The following TTC7B variants were observed in gnomAD, a reference collection of about 807,000 sequenced individuals.
TTC7B encodes tetratricopeptide repeat domain 7B, also known as tetratricopeptide repeat protein 7B.
TTC7B carries 28 observed loss-of-function variants against 106.8 expected under a neutral mutation model. That is an observed-to-expected ratio of 0.26 (90% CI 0.19 to 0.36). The LOEUF (loss-of-function observed/expected upper bound fraction) is 0.36. Ranked by LOEUF, TTC7B falls within the 10% of genes least tolerant of loss-of-function variation. The pLI, the probability that TTC7B is intolerant of heterozygous loss-of-function variation, is 1.00. For synonymous variants in TTC7B, 405 were observed against 430.6 expected (o/e 0.94, Z 0.74); for missense variants, 862 against 1,076.4 (o/e 0.80, Z 2.79).
chr14:90,642,883 T>C (rs958903401), intron 15 of TTC7B, among the ~76,000 whole-genome samples: 1 of 151,946 alleles, frequency 6.6e-6, no homozygotes, highest in African/African-American at 2.4e-5. Flanking sequence ...AATAGGAGAA[T>C]CACCGAGAGC....
At chr14:90,809,426 A>C (rs2030778119) in intron 1 of TTC7B, among the ~76,000 whole-genome samples, 1 of 152,026 alleles carries the variant, frequency 6.6e-6, no homozygotes, top group Admixed American at 6.5e-5. Context: ...ACCACTGCTG[A>C]CAGCTGAACA....
At chr14:90,783,734 C>T (rs1367168833) in intron 2 of TTC7B, among the ~76,000 whole-genome samples, 1 of 152,002 alleles carries the variant, frequency 6.6e-6, no homozygotes, top group East Asian at 1.9e-4. Flanking sequence ...GTCAGCAGTT[C>T]GAGACCAGCC....
At chr14:90,579,939 C>T (rs116910052) in intron 18 of TTC7B, among the ~76,000 whole-genome samples, 2,595 of 152,364 alleles carry the variant, frequency 0.017, 39 homozygotes, top group Non-Finnish European at 0.027. Flanking sequence ...CTCCCTGCCT[C>T]CTGCCCTGGC....
Position 90,807,254 on chromosome 14 carries a change from C to G in TTC7B, c.121+8921G>C, listed in dbSNP as rs2030664989. ...GGCCCTGCTTACCCACTCACTGCCA[C>G]TGAGTCTGACCTCTCCAGGCTCCCA... On this transcript the variant is annotated intron_variant, in intron 1 of 19. Coordinates refer to ENST00000328459, the MANE Select transcript of TTC7B (RefSeq NM_001010854.2). This position sits in a 1 kb window ranked among gnomAD's most constrained non-coding sequence, Gnocchi z 4.1. Among the ~76,000 whole-genome samples, 1 of 152,162 alleles carries G rather than the reference C, an allele frequency of 6.6e-6. No homozygotes were observed. The highest frequency in any genetic ancestry group is 6.6e-5 in the Admixed American group (1 of 15,266).
chr14:90,632,686 A>G (rs1884753238), intron 15 of TTC7B, among the ~76,000 whole-genome samples: 1 of 152,268 alleles, frequency 6.6e-6, no homozygotes. Context: ...TTACGAGCAC[A>G]GATGGCGAGG....
chr14:90,683,423 C>T (rs1464497798), intron 7 of TTC7B, among the ~76,000 whole-genome samples: 1 of 152,146 alleles, frequency 6.6e-6, no homozygotes, highest in Non-Finnish European at 1.5e-5. Context: ...CCACCCCGAC[C>T]CCAAGTCACA....
At chr14:90,753,552 G>A (rs1174754673) in intron 3 of TTC7B, among the ~76,000 whole-genome samples, 1 of 152,222 alleles carries the variant, frequency 6.6e-6, no homozygotes, top group Non-Finnish European at 1.5e-5. Context: ...AGGAGGACAA[G>A]GCCCTGTGCA....
intron 18 of TTC7B, among the ~76,000 whole-genome samples, chr14:90,591,363 A>T (rs150346292): frequency 1.3e-5 from 2 of 152,246 alleles, no homozygotes; most frequent in East Asian, 3.9e-4. Context: ...AAATGAAAGG[A>T]TAGCTCCAAG....
At chr14:90,596,116 GT>G (rs566496777) in intron 17 of TTC7B, among the ~76,000 whole-genome samples, 1,667 of 152,018 alleles carry the variant, frequency 0.011, 16 homozygotes, top group African/African-American at 0.029. Flanking sequence ...GTAAAAACAT[GT>G]TTTTTTTAAC....
At chr14:90,641,375 A>G (rs1309596887) in intron 15 of TTC7B, among the ~76,000 whole-genome samples, 1 of 152,174 alleles carries the variant, frequency 6.6e-6, no homozygotes, top group Non-Finnish European at 1.5e-5. Context: ...CCCATCAGCT[A>G]TGTCCTCCAC....
chr14:90,562,966 C>T (rs117256360), intron 19 of TTC7B, among the ~76,000 whole-genome samples: 496 of 152,264 alleles, frequency 3.3e-3, no homozygotes, highest in Non-Finnish European at 4.9e-3. Context: ...CAACCCCTGC[C>T]GCACCATACC....
chr14:90,594,714 C>T (rs182949714), intron 17 of TTC7B, among the ~76,000 whole-genome samples: 50 of 152,008 alleles, frequency 3.3e-4, no homozygotes, highest in Non-Finnish European at 4.1e-4. Context: ...AAGATAAATG[C>T]GACTACAAAA....
At chr14:90,810,686 T>C (rs1299348868) in intron 1 of TTC7B, among the ~76,000 whole-genome samples, 2 of 152,318 alleles carry the variant, frequency 1.3e-5, no homozygotes, top group East Asian at 3.9e-4. Flanking sequence ...AGGGGTTCCT[T>C]GACAGCACAG....
In TTC7B at chr14:90,592,349, A is replaced by C. The variant is rs192277287; in HGVS notation, c.2107+1137T>G. On this transcript the variant is annotated intron_variant, in intron 18 of 19. Transcript: ENST00000328459. ...GAATTACCTTTTATGTTGAAATATA[A>C]ATATGTAAGTAAATCCACAGCCATT... Among the ~76,000 whole-genome samples, 8 of 152,324 alleles carry C rather than the reference A, an allele frequency of 5.3e-5. No individual in the cohort carries two copies. In the East Asian group the frequency reaches 1.5e-3, roughly 29 times the overall value.
intron 9 of TTC7B, 66 bp from the exon 10 acceptor site, chr14:90,658,453 G>T: frequency 6.9e-7 from 1 of 1,445,374 alleles, no homozygotes; most frequent in South Asian, 1.1e-5. Flanking sequence ...GCACAAGTGT[G>T]AGTTTGTATC....
At position 90,786,426 on chromosome 14, in the gene TTC7B, C is replaced by T; in HGVS notation, c.122-98G>A. On this transcript the variant is annotated intron_variant, in intron 1 of 19. Transcript: ENST00000328459. ...CCCAGAACCACCACCCTCCGAGGCT[C>T]CAGGCCCCCAGCAAGGTCCTTCTGG... 3 of 1,436,648 alleles carry T rather than the reference C, an allele frequency of 2.1e-6. No individual in the cohort carries two copies. The South Asian group carries it at 3.7e-5, about 18-fold the overall frequency. The allele number at this position is 1,436,648 out of a possible 1,614,324, so 89.0% of individuals were successfully genotyped here.
At chr14:90,626,510 C>T (rs1884448266) in intron 15 of TTC7B, among the ~76,000 whole-genome samples, 1 of 152,144 alleles carries the variant, frequency 6.6e-6, no homozygotes, top group Non-Finnish European at 1.5e-5. Context: ...ATACTGTCAC[C>T]CCCATAAAGG....
rs76611470 is a variant in TTC7B at position 90,536,440 on chromosome 14, A to C, written c.*4928T>G. 10,135 of 152,356 alleles carry C rather than the reference A, an allele frequency of 0.067. 568 individuals carry two copies. Among genetic ancestry groups the C allele is most frequent in the East Asian group, 0.16 (819 of 5,136 alleles). 9.4% of individuals were successfully genotyped at this position (152,356 alleles called of 1,614,324 possible). On this transcript the variant is annotated 3_prime_UTR_variant, in exon 20 of 20. Coordinates refer to ENST00000328459, the MANE Select transcript of TTC7B (RefSeq NM_001010854.2). ...CTGCCCAGCCAGCTGCCTCCCCCTCAGAGGCTCCACAGGCATTTTGTATTC... is the reference window on the plus strand; with the variant it reads ...CTGCCCAGCCAGCTGCCTCCCCCTCCGAGGCTCCACAGGCATTTTGTATTC...
intron 19 of TTC7B, among the ~76,000 whole-genome samples, chr14:90,573,362 C>T (rs1891108752): frequency 6.6e-6 from 1 of 151,560 alleles, no homozygotes; most frequent in African/African-American, 2.4e-5. Flanking sequence ...CTCTCCGGCT[C>T]ACGGTCCCTC....
Sources: gnomAD v4.1 joint callset for allele counts (sites outside exome capture counted in the v4.1 genomes callset) on GRCh38, gnomAD v4.1.1 for gene constraint, Gnocchi (gnomAD v3.1) non-coding constraint, MANE v1.5 for transcripts, NCBI Gene and HGNC (gene_info 2026-07-23, HGNC 2026-07-21) for gene names.